GRK4: variants seen among roughly 807,000 people sequenced by gnomAD.
The protein encoded by GRK4 is G protein-coupled receptor kinase 2-like.
In GRK4, 73 loss-of-function variants were observed where a neutral mutation model predicts 77.9. The ratio of observed to expected loss-of-function variants is 0.94; its 90% CI spans 0.78 to 1.14. The LOEUF (loss-of-function observed/expected upper bound fraction) is 1.14, where lower values mean the gene tolerates loss of function less well. GRK4 is among the 50% of genes most tolerant of loss of function. GRK4 has a pLI of 0.00. For synonymous variants in GRK4, 257 were observed against 254.4 expected, an observed-to-expected ratio of 1.01 and a Z score of -0.10; for missense variants, 729 against 700.2, an observed-to-expected ratio of 1.04 and a Z score of -0.46.
At chr4:2,977,258 G>A (rs530763908) in intron 1 of GRK4, among the ~76,000 whole-genome samples, 1 of 152,054 alleles carries the variant, frequency 6.6e-6, no homozygotes, top group African/African-American at 2.4e-5. Context: ...GAGTAACAGC[G>A]CATACTACTG....
chr4:2,976,738 C>T (rs949401585), intron 1 of GRK4, among the ~76,000 whole-genome samples: 1 of 148,116 alleles, frequency 6.8e-6, no homozygotes, highest in Non-Finnish European at 1.5e-5. Flanking sequence ...CTTCCAGGTT[C>T]AGGTGATTCT....
chr4:3,028,222 G>A (rs781740381), intron 11 of GRK4, among the ~76,000 whole-genome samples: 21 of 152,180 alleles, frequency 1.4e-4, no homozygotes, highest in Non-Finnish European at 2.9e-4. Flanking sequence ...GGCCTGAGAG[G>A]TTGTGAGTCC....
chr4:3,003,904 A>G (rs73084106), intron 4 of GRK4, among the ~76,000 whole-genome samples: 2,644 of 152,190 alleles, frequency 0.017, 65 homozygotes, highest in African/African-American at 0.058. Flanking sequence ...TTGTATTTTT[A>G]GTAGAGACGG....
chr4:3,001,288 CAT>C (rs1729701451), intron 4 of GRK4, among the ~76,000 whole-genome samples: 1 of 123,766 alleles, frequency 8.1e-6, no homozygotes, highest in Non-Finnish European at 1.7e-5. Flanking sequence ...TATGTATACA[CAT>C]ACATATATAT....
chr4:2,964,146 G>T, intron 1 of GRK4, 24 bp downstream of exon 1: 1 of 1,257,726 alleles, frequency 8.0e-7, no homozygotes, highest in Non-Finnish European at 1.1e-6. Context: ...AGGCGCCCCC[G>T]ACCCCCCCCC....
intron 13 of GRK4, 129 bp from the exon 14 acceptor site, chr4:3,037,245 C>T: frequency 1.1e-6 from 1 of 923,624 alleles, no homozygotes; most frequent in Non-Finnish European, 1.6e-6. Context: ...AGGGGCCTGG[C>T]AAAAGAATGG....
intron 1 of GRK4, 100 bp downstream of exon 1, chr4:2,964,222 C>G: frequency 3.8e-6 from 4 of 1,047,806 alleles, no homozygotes; most frequent in Non-Finnish European, 5.6e-6. Flanking sequence ...CGGAGAACCC[C>G]GATTTCCCTG....
At position 3,035,584 on chromosome 4, in the gene GRK4, T is replaced by C. The variant is rs1036652600; in HGVS notation, c.1407+61T>C. On this transcript the variant is annotated intron_variant, in intron 13 of 15. Transcript: ENST00000398052. Reference sequence around the variant, plus strand: ...ACAGTGATCCGCACAGCACGGTTTTTCTCTTTCTTTTTTCAAAAATAGAGA... The same window carrying C: ...ACAGTGATCCGCACAGCACGGTTTTCCTCTTTCTTTTTTCAAAAATAGAGA... 3.7e-5 allele frequency: 57 copies of C among 1,521,660 alleles called. No homozygotes were observed. In the African/African-American group the frequency reaches 7.2e-4, roughly 19 times the overall value. The allele number at this position is 1,521,660 out of a possible 1,614,324, so 94.3% of individuals were successfully genotyped here.
chr4:2,991,304 A>G (rs1726094329), intron 3 of GRK4, among the ~76,000 whole-genome samples: 1 of 152,214 alleles, frequency 6.6e-6, no homozygotes, highest in Non-Finnish European at 1.5e-5. Context: ...ATTATCTAGC[A>G]TAATCTCCTT....
intron 12 of GRK4, among the ~76,000 whole-genome samples, chr4:3,033,536 T>C (rs982644922): frequency 1.3e-5 from 2 of 152,300 alleles, no homozygotes; most frequent in Admixed American, 6.5e-5. Flanking sequence ...GATGCAGAAA[T>C]GGTATTTGCA....
At chr4:2,975,784 T>C (rs1310083594) in intron 1 of GRK4, among the ~76,000 whole-genome samples, 1 of 152,240 alleles carries the variant, frequency 6.6e-6, no homozygotes, top group African/African-American at 2.4e-5. Flanking sequence ...TTCAGCACTA[T>C]ATTTCTCTCA....
intron 1 of GRK4, among the ~76,000 whole-genome samples, chr4:2,977,750 G>A (rs935699024): frequency 5.3e-5 from 8 of 152,150 alleles, no homozygotes; most frequent in Non-Finnish European, 8.8e-5. Flanking sequence ...GGAGAACCGT[G>A]TGGGAGATTC....
Position 3,038,495 on chromosome 4 carries a change from T to C in GRK4, c.1665T>C (p.Tyr555=), listed in dbSNP as rs1560517250. ...PVSRPNRGFF[Y]RLFRRGGCLT... ...CCAGACCAAACAGAGGCTTCTTCTA[T>C]AGACTCTTCAGAAGAGGGGTAAAAA... is the stretch of plus-strand genomic sequence containing the variant. The change falls in exon 15 of 16, where the codon TAT becomes TAC. Residue 555 remains tyrosine (Y), a synonymous_variant. Coordinates refer to ENST00000398052, the MANE Select transcript of GRK4 (RefSeq NM_182982.3). 6.2e-7 allele frequency: 1 copy of C among 1,613,382 alleles called. No individual in the cohort carries two copies. The highest frequency in any genetic ancestry group is 2.2e-5 in the East Asian group (1 of 44,836).
intron 4 of GRK4, among the ~76,000 whole-genome samples, chr4:2,998,675 C>T (rs566991751): frequency 6.6e-6 from 1 of 152,130 alleles, no homozygotes; most frequent in Non-Finnish European, 1.5e-5. Context: ...AACACTTATA[C>T]TCTGAAAACT....
At position 2,965,386 on chromosome 4, in the gene GRK4, C is replaced by T. The variant is rs761294603; in HGVS notation, c.52+1264C>T. The T allele has an allele frequency of 1.8e-5, 13 of 702,948 alleles. No homozygotes were observed. In the South Asian group the frequency reaches 1.9e-4, roughly 10 times the overall value. The allele number at this position is 702,948 out of a possible 1,614,324, so 43.5% of individuals were successfully genotyped here. A position where few individuals can be genotyped will look rare whatever the true frequency, so the allele number is the denominator to read the frequency against. On this transcript the variant is annotated intron_variant, in intron 1 of 15. Coordinates refer to ENST00000398052, the MANE Select transcript of GRK4 (RefSeq NM_182982.3). ...GAGCTGGCGACAGAGCCTCGGACCT[C>T]AAGTCCCTGTGCTAGCCACGGTAGT...
chr4:3,029,061 C>T (rs543853733), intron 11 of GRK4, 140 bp from the exon 12 acceptor site: 15 of 679,716 alleles, frequency 2.2e-5, no homozygotes, highest in African/African-American at 5.4e-5. Context: ...TGTGAGCCAC[C>T]GCTCCCAGCC....
At chr4:3,022,594 A>G (rs1307391348) in intron 10 of GRK4, 143 bp downstream of exon 10, 1 of 726,448 alleles carries the variant, frequency 1.4e-6, no homozygotes, top group East Asian at 2.8e-5. Flanking sequence ...GTATGTGTTC[A>G]TTTTAAAAAG....
At chr4:3,034,139 A>C (rs1490070894) in intron 12 of GRK4, among the ~76,000 whole-genome samples, 1 of 152,068 alleles carries the variant, frequency 6.6e-6, no homozygotes, top group Non-Finnish European at 1.5e-5. Context: ...AAATTTGGGG[A>C]GCCTAATCTA....
chr4:3,005,338 G>A (rs1045748172), intron 5 of GRK4, among the ~76,000 whole-genome samples: 4 of 152,018 alleles, frequency 2.6e-5, no homozygotes, highest in Admixed American at 6.6e-5. Flanking sequence ...TAAAAAGATC[G>A]CTCTGGGTGC....
Sources: allele counts gnomAD v4.1 joint callset (sites outside exome capture counted in the v4.1 genomes callset), GRCh38; gene constraint gnomAD v4.1.1; transcripts MANE v1.5; gene names NCBI Gene and HGNC (gene_info 2026-07-23, HGNC 2026-07-21).